RORB: variants seen among roughly 807,000 people sequenced by gnomAD.
RORB encodes nuclear receptor ROR-beta.
A neutral mutation model predicts 59.1 loss-of-function variants in RORB; 6 were observed. That is an observed-to-expected ratio of 0.10 (90% CI 0.06 to 0.20). RORB has a LOEUF of 0.20. RORB is among the 10% of genes least tolerant of loss of function. The pLI, the probability that RORB is intolerant of heterozygous loss-of-function variation, is 1.00. For missense variants in RORB, 320 were observed against 560.5 expected (o/e 0.57, Z 4.33); for synonymous variants, 215 against 204.5 (o/e 1.05, Z -0.44).
chr9:74,587,750 A>G (rs1247339035), intron 1 of RORB, among the ~76,000 whole-genome samples: 1 of 152,218 alleles, frequency 6.6e-6, no homozygotes, highest in Non-Finnish European at 1.5e-5. Context: ...AAGAGCAACA[A>G]GTGATGGCAA....
At chr9:74,611,645 A>ATTTG (rs775555927) in intron 1 of RORB, among the ~76,000 whole-genome samples, 23 of 151,852 alleles carry the variant, frequency 1.5e-4, no homozygotes, top group African/African-American at 2.2e-4. Context: ...TTCTTGGTTT[A>ATTTG]TTTGTTTGTT....
Position 74,692,655 on chromosome 9 carries a change from A to C in RORB, c.*7037A>C, listed in dbSNP as rs1824765032. 1 of 152,210 alleles carries C rather than the reference A, an allele frequency of 6.6e-6. No homozygotes were observed. Among genetic ancestry groups the C allele is most frequent in the Non-Finnish European group, 1.5e-5 (1 of 68,038 alleles). The allele number at this position is 152,210 out of a possible 1,614,324, so 9.4% of individuals were successfully genotyped here. On this transcript the variant is annotated 3_prime_UTR_variant, in exon 10 of 10. Coordinates refer to ENST00000376896, the MANE Select transcript of RORB (RefSeq NM_006914.4). ...GCATTGCCACAAGTATGTAAAATAA[A>C]AATATTCACTCTAAAAAGAATAATA...
At chr9:74,589,038 G>T (rs991527445) in intron 1 of RORB, among the ~76,000 whole-genome samples, 1 of 152,098 alleles carries the variant, frequency 6.6e-6, no homozygotes, top group Non-Finnish European at 1.5e-5. Context: ...AATGAAACAT[G>T]ATGTTAACAT....
chr9:74,570,041 A>G (rs1358157684), intron 1 of RORB, among the ~76,000 whole-genome samples: 1 of 152,124 alleles, frequency 6.6e-6, no homozygotes, highest in Admixed American at 6.5e-5. Context: ...TTTTAGAGCT[A>G]GTAAAATTGC....
chr9:74,519,389 C>G (rs1036207979), intron 1 of RORB, among the ~76,000 whole-genome samples: 6 of 152,046 alleles, frequency 3.9e-5, no homozygotes, highest in African/African-American at 1.2e-4. Context: ...ACATCTTTCT[C>G]CTGAGTACAT....
chr9:74,590,214 T>C (rs991050813), intron 1 of RORB, among the ~76,000 whole-genome samples: 8 of 152,176 alleles, frequency 5.3e-5, no homozygotes, highest in African/African-American at 1.9e-4. Context: ...GGAGTAGCAG[T>C]AATGTCTACT....
At chr9:74,682,102 T>C (rs1456493703) in intron 9 of RORB, among the ~76,000 whole-genome samples, 5 of 151,978 alleles carry the variant, frequency 3.3e-5, no homozygotes, top group Admixed American at 1.3e-4. Context: ...AGTGGAAGCA[T>C]GACAGCTACC....
intron 1 of RORB, among the ~76,000 whole-genome samples, chr9:74,620,603 G>T (rs1364772015): frequency 1.3e-5 from 2 of 152,020 alleles, no homozygotes; most frequent in African/African-American, 2.4e-5. Flanking sequence ...GAATGTGTTT[G>T]CTCTTGCTTC....
At chr9:74,635,724 T>C (rs1823690063) in intron 3 of RORB, among the ~76,000 whole-genome samples, 1 of 152,174 alleles carries the variant, frequency 6.6e-6, no homozygotes, top group Non-Finnish European at 1.5e-5. Flanking sequence ...TTTCTGTCTT[T>C]ATGTCAGTCA....
chr9:74,581,961 T>C (rs889922816), intron 1 of RORB, among the ~76,000 whole-genome samples: 4 of 152,204 alleles, frequency 2.6e-5, no homozygotes, highest in African/African-American at 9.6e-5. Flanking sequence ...TTAAAGTCTA[T>C]ACTCATGAAG....
At chr9:74,550,574 A>G (rs543792030) in intron 1 of RORB, among the ~76,000 whole-genome samples, 15 of 152,338 alleles carry the variant, frequency 9.8e-5, no homozygotes, top group African/African-American at 3.1e-4. Flanking sequence ...TAATTGGCCA[A>G]TACCAACTTT....
Position 74,642,744 on chromosome 9 carries a change from T to C in RORB, c.566T>C (p.Val189Ala), listed in dbSNP as rs781037977. 1.9e-6 allele frequency: 3 copies of C among 1,614,058 alleles called. No homozygotes were observed. The highest frequency in any genetic ancestry group is 2.5e-6 in the Non-Finnish European group (3 of 1,179,958). Residue 189 changes from valine (V) to alanine (A), a missense_variant, in exon 4 of 10, where the codon GTA becomes GCA. By Grantham distance (64) the Val-to-Ala change is moderately conservative. Around this residue, in one of 4 missense-constraint regions of RORB, gnomAD observed 134 missense variants for 156.2 expected, o/e 0.86. Coordinates refer to ENST00000376896, the MANE Select transcript of RORB (RefSeq NM_006914.4). ...KQEPIYDLTS[V>A]PNLFTYSSFN... is the part of the protein sequence containing the mutation. ...GAACCTATCTATGACCTCACATCCG[T>C]ACCCAACTTGTTTACCTATAGCTCT...
intron 1 of RORB, among the ~76,000 whole-genome samples, chr9:74,539,486 C>A (rs147128266): frequency 8.2e-4 from 125 of 152,164 alleles, no homozygotes; most frequent in African/African-American, 2.8e-3. Flanking sequence ...TAAACTGGAA[C>A]TTTCTATTCA....
At chr9:74,510,267 C>A (rs1227580938) in intron 1 of RORB, among the ~76,000 whole-genome samples, 2 of 152,130 alleles carry the variant, frequency 1.3e-5, no homozygotes, top group Non-Finnish European at 1.5e-5. Context: ...TATTTAGTAT[C>A]TACTACTGTG....
intron 1 of RORB, among the ~76,000 whole-genome samples, chr9:74,573,464 T>A (rs1464869952): frequency 2.3e-5 from 3 of 131,866 alleles, no homozygotes; most frequent in Non-Finnish European, 3.2e-5. Context: ...CTTTTGTTAT[T>A]AAAAAAAAAA....
rs1250653831 is a variant in RORB, at chr9:74,690,409, G to A, written c.*4791G>A. ...GGGCAAGCTGGCCAGGAAATGCCCT[G>A]TGGAAAAAGGGACATCCACGATTTA... On this transcript the variant is annotated 3_prime_UTR_variant, in exon 10 of 10. Coordinates refer to ENST00000376896, the MANE Select transcript of RORB (RefSeq NM_006914.4). 2 of 152,092 alleles carry A rather than the reference G, an allele frequency of 1.3e-5. No homozygotes were observed. Among genetic ancestry groups the A allele is most frequent in the African/African-American group, 2.4e-5 (1 of 41,404 alleles). The allele number at this position is 152,092 out of a possible 1,614,324, so 9.4% of individuals were successfully genotyped here. A position where few individuals can be genotyped will look rare whatever the true frequency, so the allele number is the denominator to read the frequency against.
At chr9:74,585,887 C>T (rs953594140) in intron 1 of RORB, among the ~76,000 whole-genome samples, 5 of 151,838 alleles carry the variant, frequency 3.3e-5, no homozygotes, top group Non-Finnish European at 5.9e-5. Context: ...CTCCGCCTCC[C>T]GGGTTCACGC....
chr9:74,681,751 C>T (rs937809534), intron 9 of RORB, among the ~76,000 whole-genome samples: 3 of 152,158 alleles, frequency 2.0e-5, no homozygotes, highest in African/African-American at 7.2e-5. Context: ...CAGTCACCCT[C>T]TTATACATTT....
chr9:74,588,955 A>T (rs1822848789), intron 1 of RORB, among the ~76,000 whole-genome samples: 2 of 151,862 alleles, frequency 1.3e-5, no homozygotes. Flanking sequence ...AAAAAATAAG[A>T]GACCCAAAAA....
Sources: gnomAD v4.1 joint callset for allele counts (sites outside exome capture counted in the v4.1 genomes callset) on GRCh38, gnomAD v4.1.1 for gene constraint, gnomAD v4.1.1 regional missense constraint, MANE v1.5 for transcripts, NCBI Gene and HGNC (gene_info 2026-07-23, HGNC 2026-07-21) for gene names.